DYRK1A: variants seen among roughly 807,000 people sequenced by gnomAD.
DYRK1A encodes the protein dual specificity tyrosine-phosphorylation-regulated kinase 1A.
In DYRK1A, 9 loss-of-function variants were observed where a neutral mutation model predicts 79.7. The ratio of observed to expected loss-of-function variants is 0.11; its 90% CI spans 0.07 to 0.20. The LOEUF (loss-of-function observed/expected upper bound fraction) is 0.20. DYRK1A is among the 10% of genes least tolerant of loss of function. The probability of loss-of-function intolerance (pLI) is 1.00; values close to 1 mark genes in which losing one functional copy is unlikely to be tolerated. For synonymous variants in DYRK1A, 349 were observed against 329.7 expected, an observed-to-expected ratio of 1.06 and a Z score of -0.63; for missense variants, 622 against 956.0, an observed-to-expected ratio of 0.65 and a Z score of 4.61.
intron 2 of DYRK1A, among the ~76,000 whole-genome samples, chr21:37,437,745 A>G (rs2050967798): frequency 6.6e-6 from 1 of 151,996 alleles, no homozygotes; most frequent in Non-Finnish European, 1.5e-5. Context: ...TGGTTTATCC[A>G]CTTACCTGTT....
At chr21:37,433,870 A>G (rs1384767638) in intron 2 of DYRK1A, among the ~76,000 whole-genome samples, 1 of 152,190 alleles carries the variant, frequency 6.6e-6, no homozygotes, top group Non-Finnish European at 1.5e-5. Flanking sequence ...CTTACGCATT[A>G]TGTTTCTAAA....
At chr21:37,395,534 CTTG>C (rs758020193) in intron 1 of DYRK1A, among the ~76,000 whole-genome samples, 4 of 152,120 alleles carry the variant, frequency 2.6e-5, no homozygotes, top group South Asian at 2.1e-4. Flanking sequence ...TTTAATTTCC[CTTG>C]TTAAGAATAC....
intron 1 of DYRK1A, among the ~76,000 whole-genome samples, chr21:37,386,349 G>A (rs34770760): frequency 0.043 from 6,504 of 152,118 alleles, 187 homozygotes; most frequent in Middle Eastern, 0.092. Context: ...CACGAAACTG[G>A]TCCCCGGTGC....
At chr21:37,421,172 CAGAG>C in intron 2 of DYRK1A, among the ~76,000 whole-genome samples, 1 of 152,140 alleles carries the variant, frequency 6.6e-6, no homozygotes, top group Middle Eastern at 3.4e-3. Flanking sequence ...GAAACTCTGT[CAGAG>C]AGCCTTATTT....
intron 5 of DYRK1A, among the ~76,000 whole-genome samples, chr21:37,482,266 C>G (rs920536405): frequency 2.0e-4 from 31 of 152,054 alleles, no homozygotes; most frequent in Admixed American, 1.7e-3. Context: ...CAAAATTCAC[C>G]CCCAATATTT....
intron 2 of DYRK1A, among the ~76,000 whole-genome samples, chr21:37,449,969 C>T (rs1417399893): frequency 6.6e-6 from 1 of 152,114 alleles, no homozygotes; most frequent in East Asian, 1.9e-4. Flanking sequence ...TAAGTAGGGG[C>T]CAAAGCAGGT....
At chr21:37,404,855 C>T (rs2050119565) in intron 1 of DYRK1A, among the ~76,000 whole-genome samples, 1 of 152,164 alleles carries the variant, frequency 6.6e-6, no homozygotes, top group African/African-American at 2.4e-5. Flanking sequence ...TTTGCAGGTG[C>T]TTGGAGGAAT....
At chr21:37,384,281 T>C (rs2049716560) in intron 1 of DYRK1A, among the ~76,000 whole-genome samples, 1 of 152,070 alleles carries the variant, frequency 6.6e-6, no homozygotes, top group Non-Finnish European at 1.5e-5. Context: ...AATGTTTGAT[T>C]GTACATGTAT....
At chr21:37,366,432 A>G (rs2049305793), upstream of DYRK1A, among the ~76,000 whole-genome samples, 1 of 145,746 alleles carries the variant, frequency 6.9e-6, no homozygotes. Context: ...GGCGGCCGGG[A>G]GGCGGCGGGC....
intron 1 of DYRK1A, among the ~76,000 whole-genome samples, chr21:37,414,889 G>A (rs1038312555): frequency 6.6e-6 from 1 of 152,108 alleles, no homozygotes; most frequent in Non-Finnish European, 1.5e-5. Flanking sequence ...GGAAGACAGA[G>A]GACAGCAAGC....
chr21:37,393,187 C>T (rs1209462431), intron 1 of DYRK1A, among the ~76,000 whole-genome samples: 2 of 152,174 alleles, frequency 1.3e-5, no homozygotes, highest in Non-Finnish European at 2.9e-5. Flanking sequence ...GGATGCTTGC[C>T]ACATGATGTG....
At chr21:37,404,153 G>A (rs915688643) in intron 1 of DYRK1A, among the ~76,000 whole-genome samples, 1 of 152,184 alleles carries the variant, frequency 6.6e-6, no homozygotes, top group African/African-American at 2.4e-5. Context: ...ATATATGTAT[G>A]TATCCATAAG....
intron 2 of DYRK1A, among the ~76,000 whole-genome samples, chr21:37,461,307 C>T (rs2051830252): frequency 6.6e-6 from 1 of 152,196 alleles, no homozygotes; most frequent in African/African-American, 2.4e-5. Context: ...ACTACTTTTA[C>T]ACCAACCGAA....
chr21:37,439,291 C>T (rs188946542), intron 2 of DYRK1A, among the ~76,000 whole-genome samples: 35 of 152,146 alleles, frequency 2.3e-4, no homozygotes, highest in African/African-American at 7.0e-4. Flanking sequence ...TTTTTCTTGC[C>T]GTTCTACATT....
At chr21:37,448,549 G>A (rs908169793) in intron 2 of DYRK1A, among the ~76,000 whole-genome samples, 1 of 152,062 alleles carries the variant, frequency 6.6e-6, no homozygotes, top group Non-Finnish European at 1.5e-5. Context: ...TGGGAAAATA[G>A]GAAGGTTTAA....
intron 6 of DYRK1A, chr21:37,488,894 C>T (rs186560860): frequency 3.1e-6 from 3 of 980,030 alleles, no homozygotes; most frequent in East Asian, 2.3e-4. Context: ...TAGTTTTAAA[C>T]CTATAAACTG....
chr21:37,458,213 C>T (rs760653816), intron 2 of DYRK1A, among the ~76,000 whole-genome samples: 8 of 148,860 alleles, frequency 5.4e-5, no homozygotes, highest in Admixed American at 4.0e-4. Flanking sequence ...CCTGTAGGCA[C>T]GCTAGACAAA....
upstream of DYRK1A, chr21:37,366,103 C>T (rs891264547): frequency 1.3e-5 from 2 of 151,902 alleles, no homozygotes; most frequent in Non-Finnish European, 2.9e-5. Flanking sequence ...CCCGCCAGCC[C>T]TTCGAAGAAC....
chr21:37,491,234 A>G (rs1277026749), intron 7 of DYRK1A, among the ~76,000 whole-genome samples: 3 of 152,130 alleles, frequency 2.0e-5, no homozygotes, highest in Non-Finnish European at 2.9e-5. Context: ...TTTTCCTGTC[A>G]TTCTTCCAGC....
Sources: gnomAD v4.1 joint callset for allele counts (sites outside exome capture counted in the v4.1 genomes callset) on GRCh38, gnomAD v4.1.1 for gene constraint, MANE v1.5 for transcripts, NCBI Gene and HGNC (gene_info 2026-07-23, HGNC 2026-07-21) for gene names.